Variants in AOAH observed in about 807,000 individuals in gnomAD.
AOAH encodes acyloxyacyl hydrolase (neutrophil).
Under a neutral mutation model 92.2 loss-of-function variants are expected in AOAH, and 64 were observed. That is an observed-to-expected ratio of 0.69 (90% CI 0.57 to 0.86). The LOEUF (loss-of-function observed/expected upper bound fraction) is 0.86. Among genes scored for constraint, AOAH ranks in the 40% least tolerant of loss-of-function variants. The pLI is 0.00. For synonymous variants in AOAH, 263 were observed against 254.5 expected (o/e 1.03, Z -0.32); for missense variants, 656 against 694.6 (o/e 0.94, Z 0.62).
At chr7:36,718,426 C>T (rs145356719) in intron 1 of AOAH, among the ~76,000 whole-genome samples, 18 of 152,152 alleles carry the variant, frequency 1.2e-4, no homozygotes, top group Admixed American at 5.9e-4. Context: ...ATGGTATTAC[C>T]GCATGCCCTA....
intron 1 of AOAH, among the ~76,000 whole-genome samples, chr7:36,711,085 C>A (rs1798739750): frequency 6.6e-6 from 1 of 152,126 alleles, no homozygotes; most frequent in Non-Finnish European, 1.5e-5. Context: ...ACTATTGCTT[C>A]CACAAGCACA....
At chr7:36,568,168 A>C (rs1306006492) in intron 13 of AOAH, among the ~76,000 whole-genome samples, 1 of 152,136 alleles carries the variant, frequency 6.6e-6, no homozygotes, top group African/African-American at 2.4e-5. Context: ...AGGAGGAAAA[A>C]TATGGTAAAT....
chr7:36,718,038 A>G (rs947664776), intron 1 of AOAH, among the ~76,000 whole-genome samples: 11 of 152,312 alleles, frequency 7.2e-5, no homozygotes, highest in African/African-American at 2.6e-4. Flanking sequence ...AGAATGGGAG[A>G]AAATATTTGT....
At chr7:36,655,879 A>G (rs1156735971) in intron 4 of AOAH, among the ~76,000 whole-genome samples, 3 of 152,190 alleles carry the variant, frequency 2.0e-5, no homozygotes, top group Non-Finnish European at 4.4e-5. Flanking sequence ...ACAGGAATAT[A>G]TCTTGTAAAG....
chr7:36,530,750 G>T, intron 18 of AOAH: 1 of 433,836 alleles, frequency 2.3e-6, no homozygotes. Flanking sequence ...AGTGATACTA[G>T]TTTTAACACC....
At chr7:36,595,197 A>C (rs1041217125) in intron 11 of AOAH, among the ~76,000 whole-genome samples, 5 of 152,164 alleles carry the variant, frequency 3.3e-5, no homozygotes, top group African/African-American at 1.2e-4. Context: ...GCTTATCTAA[A>C]TTGGTATGTT....
chr7:36,571,116 A>C (rs1307072227), intron 13 of AOAH, among the ~76,000 whole-genome samples: 1 of 152,080 alleles, frequency 6.6e-6, no homozygotes, highest in Non-Finnish European at 1.5e-5. Context: ...ACAGGGAGGG[A>C]TGAATAAAGT....
Position 36,584,599 on chromosome 7 carries a change from T to C in AOAH, c.939-7943A>G, listed in dbSNP as rs534825678. Among the ~76,000 whole-genome samples, 17 of 152,362 alleles carry C rather than the reference T, an allele frequency of 1.1e-4. No homozygotes were observed. The South Asian group carries it at 3.5e-3, about 32-fold the overall frequency. ...ATTTGTTGATTACATATGGCTAATA[T>C]TTTAATGTTAATTGTGTGATTTAAT... is the stretch of plus-strand genomic sequence containing the variant. On this transcript the variant is annotated intron_variant, in intron 12 of 20. Coordinates refer to ENST00000617537, the MANE Select transcript of AOAH (RefSeq NM_001637.4).
chr7:36,632,495 G>A (rs1400299679), intron 5 of AOAH, among the ~76,000 whole-genome samples: 2 of 152,192 alleles, frequency 1.3e-5, no homozygotes, highest in Non-Finnish European at 2.9e-5. Context: ...TAAAGGGAGA[G>A]ACCAATCTGG....
chr7:36,514,354 G>C, intron 20 of AOAH: 3 of 727,612 alleles, frequency 4.1e-6, no homozygotes, highest in Non-Finnish European at 4.5e-6. Context: ...CCCTGACTGG[G>C]TGGGGGGTGG....
At chr7:36,633,974 T>A (rs1288339501) in intron 5 of AOAH, among the ~76,000 whole-genome samples, 3 of 152,056 alleles carry the variant, frequency 2.0e-5, no homozygotes, top group African/African-American at 7.2e-5. Flanking sequence ...CAAATCTGCC[T>A]CCAGACACTG....
intron 4 of AOAH, among the ~76,000 whole-genome samples, chr7:36,642,737 G>T (rs1793991793): frequency 6.6e-6 from 1 of 152,148 alleles, no homozygotes; most frequent in Non-Finnish European, 1.5e-5. Flanking sequence ...CCAAGGAAAA[G>T]AAAGAAAGTA....
intron 3 of AOAH, among the ~76,000 whole-genome samples, chr7:36,670,770 C>T (rs926472862): frequency 4.6e-5 from 7 of 152,188 alleles, no homozygotes; most frequent in African/African-American, 7.2e-5. Flanking sequence ...CCACCGCGCC[C>T]GGCCCGCTGG....
At chr7:36,619,462 T>C (rs572780513) in intron 9 of AOAH, among the ~76,000 whole-genome samples, 8 of 152,276 alleles carry the variant, frequency 5.3e-5, no homozygotes, top group African/African-American at 7.2e-5. Context: ...GGTGGGACCA[T>C]GGAACGAAGA....
chr7:36,577,793 T>C (rs1031911165), intron 12 of AOAH, among the ~76,000 whole-genome samples: 14 of 152,214 alleles, frequency 9.2e-5, no homozygotes, highest in African/African-American at 3.4e-4. Context: ...AACTAAAAAA[T>C]AATAACTTAG....
intron 11 of AOAH, among the ~76,000 whole-genome samples, chr7:36,615,464 G>A (rs987109832): frequency 3.9e-5 from 6 of 152,136 alleles, no homozygotes; most frequent in South Asian, 2.1e-4. Context: ...CTATCCCTAG[G>A]CACAGGTTTT....
chr7:36,697,551 A>C (rs1312702209), intron 1 of AOAH, among the ~76,000 whole-genome samples: 1 of 152,194 alleles, frequency 6.6e-6, no homozygotes, highest in Non-Finnish European at 1.5e-5. Context: ...ATAAAGTGAA[A>C]TGTGTTTCTT....
chr7:36,659,269 G>C lies in AOAH; in HGVS notation c.291-4C>G. The C allele has an allele frequency of 6.2e-7, 1 of 1,612,372 alleles. No individual in the cohort carries two copies. Among genetic ancestry groups the C allele is most frequent in the East Asian group, 2.2e-5 (1 of 44,872 alleles). On this transcript the variant is annotated splice_polypyrimidine_tract_variant and splice_region_variant and intron_variant, in intron 3 of 20. Transcript: ENST00000617537. ...AGCATTCATATCTGCGCTAAGCCTG[G>C]AGGGAAACGGTGCAAAACAAAGGCT...
Position 36,614,047 on chromosome 7 carries a change from A to ATAAT in AOAH, c.846+2329_846+2332dup, listed in dbSNP as rs1400124864. ...GGAAGAGGAGGTCAAGGAAAAAATG[A>ATAAT]TAATTTCTGCGGGTTAATTTCTCTG... On this transcript the variant is annotated intron_variant, in intron 11 of 20. Coordinates refer to ENST00000617537, the MANE Select transcript of AOAH (RefSeq NM_001637.4). The surrounding 1 kb of genome is among the most constrained non-coding windows in gnomAD (Gnocchi z 4.2). 6.6e-6 allele frequency among the ~76,000 whole-genome samples: 1 copy of ATAAT among 152,214 alleles called. No homozygotes were observed. Among genetic ancestry groups the ATAAT allele is most frequent in the African/African-American group, 2.4e-5 (1 of 41,452 alleles).
Sources: gnomAD v4.1 joint callset for allele counts (sites outside exome capture counted in the v4.1 genomes callset) on GRCh38, gnomAD v4.1.1 for gene constraint, Gnocchi (gnomAD v3.1) non-coding constraint, MANE v1.5 for transcripts, NCBI Gene and HGNC (gene_info 2026-07-23, HGNC 2026-07-21) for gene names.